ST6GALNAC3: variants seen among roughly 807,000 people sequenced by gnomAD.
ST6GALNAC3 encodes the protein ST6 N-acetylgalactosaminide alpha-2,6-sialyltransferase 3, also known as alpha-N-acetylgalactosaminide alpha-2,6-sialyltransferase 3.
Under a neutral mutation model 32.7 loss-of-function variants are expected in ST6GALNAC3, and 25 were observed. The ratio of observed to expected loss-of-function variants is 0.76; its 90% CI spans 0.56 to 1.07. ST6GALNAC3 has a LOEUF of 1.07. Among genes scored for constraint, ST6GALNAC3 ranks in the 50% least tolerant of loss-of-function variants. ST6GALNAC3 has a pLI of 0.00. For missense variants in ST6GALNAC3, 355 were observed against 382.4 expected (o/e 0.93, Z 0.60); for synonymous variants, 129 against 133.1 (o/e 0.97, Z 0.21).
chr1:76,539,568 C>T (rs1035160704), intron 3 of ST6GALNAC3, among the ~76,000 whole-genome samples: 23 of 151,898 alleles, frequency 1.5e-4, no homozygotes, highest in East Asian at 3.9e-4. Flanking sequence ...CTATTGTCAG[C>T]GTGAACAGGC....
chr1:76,470,920 G>A (rs1412363301), intron 3 of ST6GALNAC3, among the ~76,000 whole-genome samples: 1 of 152,000 alleles, frequency 6.6e-6, no homozygotes, highest in Non-Finnish European at 1.5e-5. Flanking sequence ...CTGGTAGCCA[G>A]GTCCTTTACA....
At chr1:76,110,223 G>T (rs977515517) in intron 1 of ST6GALNAC3, among the ~76,000 whole-genome samples, 14 of 152,192 alleles carry the variant, frequency 9.2e-5, no homozygotes, top group Admixed American at 6.5e-4. Context: ...TCTAAGGAAA[G>T]AAATAGGTCT....
chr1:76,633,487 G>T lies in ST6GALNAC3; in HGVS notation c.*4681G>T, dbSNP rs1649396858. 1 of 152,118 alleles carries T rather than the reference G, an allele frequency of 6.6e-6. No homozygotes were observed. Among genetic ancestry groups the T allele is most frequent in the South Asian group, 2.1e-4 (1 of 4,828 alleles). 9.4% of individuals were successfully genotyped at this position (152,118 alleles called of 1,614,324 possible). Reference sequence around the variant, plus strand: ...TAGGACTTGTTTAAAGAACTTAAAGGTCAGTTTCTTAGTTTCTCTTTGTGA... The same window carrying T: ...TAGGACTTGTTTAAAGAACTTAAAGTTCAGTTTCTTAGTTTCTCTTTGTGA... On this transcript the variant is annotated 3_prime_UTR_variant, in exon 5 of 5. Coordinates refer to ENST00000328299, the MANE Select transcript of ST6GALNAC3 (RefSeq NM_152996.4).
intron 1 of ST6GALNAC3, among the ~76,000 whole-genome samples, chr1:76,197,536 G>A (rs895606962): frequency 2.6e-5 from 4 of 152,150 alleles, no homozygotes; most frequent in Non-Finnish European, 5.9e-5. Context: ...AAAACTTAGA[G>A]GAGGCTTTGA....
At chr1:76,231,860 T>A (rs918411518) in intron 1 of ST6GALNAC3, among the ~76,000 whole-genome samples, 6 of 152,244 alleles carry the variant, frequency 3.9e-5, no homozygotes, top group Non-Finnish European at 8.8e-5. Flanking sequence ...TTCCCAGAAG[T>A]GGAATTGCCA....
chr1:76,559,594 G>T (rs1455818009), intron 3 of ST6GALNAC3, among the ~76,000 whole-genome samples: 3 of 152,172 alleles, frequency 2.0e-5, no homozygotes, highest in Non-Finnish European at 4.4e-5. Flanking sequence ...AGGACTTGGG[G>T]TGGAGCAAGG....
At chr1:76,498,249 T>G (rs1279309262) in intron 3 of ST6GALNAC3, among the ~76,000 whole-genome samples, 1 of 152,200 alleles carries the variant, frequency 6.6e-6, no homozygotes, top group Non-Finnish European at 1.5e-5. Context: ...TCCTTTCATA[T>G]TCCCCAATTC....
At chr1:76,183,296 G>C (rs1396394961) in intron 1 of ST6GALNAC3, among the ~76,000 whole-genome samples, 1 of 151,990 alleles carries the variant, frequency 6.6e-6, no homozygotes, top group East Asian at 1.9e-4. Context: ...TTATTATTTA[G>C]TTAAGCAAAT....
At chr1:76,311,988 T>C (rs1439403129) in intron 1 of ST6GALNAC3, among the ~76,000 whole-genome samples, 1 of 152,232 alleles carries the variant, frequency 6.6e-6, no homozygotes, top group Non-Finnish European at 1.5e-5. Flanking sequence ...TGGTGTGAGA[T>C]GGTATCTCAC....
At chr1:76,207,605 C>T (rs1040493349) in intron 1 of ST6GALNAC3, among the ~76,000 whole-genome samples, 3 of 152,150 alleles carry the variant, frequency 2.0e-5, no homozygotes, top group East Asian at 1.9e-4. Flanking sequence ...CCCACTTTGT[C>T]GACAACTAGC....
intron 2 of ST6GALNAC3, among the ~76,000 whole-genome samples, chr1:76,360,844 G>T (rs1357012685): frequency 6.6e-6 from 1 of 152,136 alleles, no homozygotes; most frequent in Non-Finnish European, 1.5e-5. Flanking sequence ...GGCCTTCTGG[G>T]AGTCAGAGTC....
At chr1:76,636,922 TTAGTGTC>T (rs772577472), downstream of ST6GALNAC3, 1 of 152,192 alleles carries the variant, frequency 6.6e-6, no homozygotes, top group Non-Finnish European at 1.5e-5. Context: ...ACAAGAAACT[TTAGTGTC>T]TAGTTGGTAA....
At chr1:76,134,576 G>A (rs545949233) in intron 1 of ST6GALNAC3, among the ~76,000 whole-genome samples, 3 of 152,312 alleles carry the variant, frequency 2.0e-5, no homozygotes, top group Middle Eastern at 3.4e-3. Context: ...GTTTTCAGAT[G>A]TCCCTTTTCC....
intron 3 of ST6GALNAC3, among the ~76,000 whole-genome samples, chr1:76,528,899 T>C (rs1663082388): frequency 6.7e-6 from 1 of 150,216 alleles, no homozygotes; most frequent in Admixed American, 6.7e-5. Context: ...ATACTAGATA[T>C]TAGCATCAAG....
At position 76,582,827 on chromosome 1, in the gene ST6GALNAC3, C is replaced by A. The variant is rs562892143; in HGVS notation, c.624-44625C>A. On this transcript the variant is annotated intron_variant, in intron 3 of 4. Transcript: ENST00000328299. Reference sequence around the variant, plus strand: ...AATTGTGTTTTCTTTTGGATGTTCACACTCCTAGTTGCTTTGACTCTTTCC... The same window carrying A: ...AATTGTGTTTTCTTTTGGATGTTCAAACTCCTAGTTGCTTTGACTCTTTCC... Among the ~76,000 whole-genome samples the A allele has an allele frequency of 3.3e-5, 5 of 152,230 alleles. No homozygotes were observed. The South Asian group carries it at 1.0e-3, about 32-fold the overall frequency.
intron 1 of ST6GALNAC3, among the ~76,000 whole-genome samples, chr1:76,087,267 T>C (rs1164059286): frequency 1.3e-5 from 2 of 152,200 alleles, no homozygotes; most frequent in African/African-American, 2.4e-5. Context: ...ATCCAACCCA[T>C]ATACCACTCT....
At chr1:76,426,380 C>G (rs1246840163) in intron 3 of ST6GALNAC3, among the ~76,000 whole-genome samples, 5 of 151,652 alleles carry the variant, frequency 3.3e-5, no homozygotes, top group African/African-American at 1.2e-4. Context: ...TTATCCTAGG[C>G]CTACACAGGG....
intron 1 of ST6GALNAC3, among the ~76,000 whole-genome samples, chr1:76,080,513 G>T (rs868220955): frequency 6.6e-6 from 1 of 151,708 alleles, no homozygotes; most frequent in South Asian, 2.1e-4. Context: ...AAGATCTGGG[G>T]TTGGGGGGAT....
chr1:76,152,775 C>A (rs1329166075), intron 1 of ST6GALNAC3, among the ~76,000 whole-genome samples: 1 of 151,988 alleles, frequency 6.6e-6, no homozygotes, highest in Admixed American at 6.5e-5. Flanking sequence ...GATTTCCCAT[C>A]ATGGGATCAG....
Sources: gnomAD v4.1 joint callset for allele counts (sites outside exome capture counted in the v4.1 genomes callset) on GRCh38, gnomAD v4.1.1 for gene constraint, MANE v1.5 for transcripts, NCBI Gene and HGNC (gene_info 2026-07-23, HGNC 2026-07-21) for gene names.